TTC13: variants seen among roughly 807,000 people sequenced by gnomAD.
TTC13 encodes the protein tetratricopeptide repeat protein 13.
TTC13 carries 62 observed loss-of-function variants against 120.0 expected under a neutral mutation model. The ratio of observed to expected loss-of-function variants is 0.52; its 90% CI spans 0.42 to 0.64. The LOEUF (loss-of-function observed/expected upper bound fraction) is 0.64, where lower values mean the gene tolerates loss of function less well. Among genes scored for constraint, TTC13 ranks in the 30% least tolerant of loss-of-function variants. The pLI is 0.00. For missense variants in TTC13, 824 were observed against 1,050.2 expected, an observed-to-expected ratio of 0.78 and a Z score of 2.98; for synonymous variants, 384 against 393.5, an observed-to-expected ratio of 0.98 and a Z score of 0.28.
At chr1:230,943,342 A>G (rs1019786173) in intron 6 of TTC13, among the ~76,000 whole-genome samples, 1 of 152,104 alleles carries the variant, frequency 6.6e-6, no homozygotes, top group South Asian at 2.1e-4. Flanking sequence ...CAAATGTCCA[A>G]CAACAATAGA....
chr1:230,963,366 C>A (rs1415511882), intron 1 of TTC13, among the ~76,000 whole-genome samples: 1 of 152,022 alleles, frequency 6.6e-6, no homozygotes, highest in Non-Finnish European at 1.5e-5. Context: ...AGGCTGGGTG[C>A]GGTGACTCAC....
intron 17 of TTC13, among the ~76,000 whole-genome samples, chr1:230,918,307 C>T (rs1353362405): frequency 1.3e-5 from 2 of 152,182 alleles, no homozygotes; most frequent in Non-Finnish European, 2.9e-5. Context: ...TCGCCAATGA[C>T]AATGTAGCTC....
chr1:230,962,654 G>A (rs900759000), intron 1 of TTC13, among the ~76,000 whole-genome samples: 3 of 152,126 alleles, frequency 2.0e-5, no homozygotes, highest in South Asian at 4.1e-4. Flanking sequence ...TCATAGTAGC[G>A]CTAATCACAG....
intron 18 of TTC13, among the ~76,000 whole-genome samples, chr1:230,913,602 T>A (rs1391684522): frequency 6.6e-6 from 1 of 152,214 alleles, no homozygotes; most frequent in Non-Finnish European, 1.5e-5. Flanking sequence ...CTTCCCATCT[T>A]GGCCTCCCAA....
In TTC13 at chr1:230,967,717, C is replaced by T. The variant is rs192953597; in HGVS notation, c.272-6414G>A. ...GGAACAGGAGGTTAAATTTGTTCTT[C>T]GATCTTAAAATATTTAACTCACTAT... On this transcript the variant is annotated intron_variant, in intron 1 of 22. Coordinates refer to ENST00000366661, the MANE Select transcript of TTC13 (RefSeq NM_024525.5). Among the ~76,000 whole-genome samples the T allele has an allele frequency of 1.3e-3, 198 of 152,098 alleles. 1 individual carries two copies. Among genetic ancestry groups the T allele is most frequent in the Non-Finnish European group, 1.9e-3 (132 of 67,962 alleles).
chr1:230,916,294 A>T lies in TTC13; in HGVS notation c.1992T>A (p.Asn664Lys), dbSNP rs1415908748. 6.2e-7 allele frequency: 1 copy of T among 1,612,994 alleles called. No homozygotes were observed. Among genetic ancestry groups the T allele is most frequent in the Non-Finnish European group, 8.5e-7 (1 of 1,179,088 alleles). ...EDLLPIMKQF[N>K]TKTKDGFTVN... ...CGGTGAACCCATCCTTCGTTTTAGTATTAAACTGCTTTCAGGGAAAAAGAA... is the reference window on the plus strand; with the variant it reads ...CGGTGAACCCATCCTTCGTTTTAGTTTTAAACTGCTTTCAGGGAAAAAGAA... Residue 664 changes from asparagine (N) to lysine (K), a missense_variant, in exon 18 of 23, where the codon AAT becomes AAA. Coordinates refer to ENST00000366661, the MANE Select transcript of TTC13 (RefSeq NM_024525.5).
intron 17 of TTC13, among the ~76,000 whole-genome samples, chr1:230,917,712 G>A (rs1232178789): frequency 3.3e-5 from 5 of 151,722 alleles, no homozygotes; most frequent in East Asian, 3.9e-4. Flanking sequence ...TGGCGATGCC[G>A]CGTCTCAGGC....
intron 11 of TTC13, among the ~76,000 whole-genome samples, chr1:230,930,326 C>A (rs1422412959): frequency 1.3e-5 from 2 of 152,056 alleles, no homozygotes; most frequent in East Asian, 3.9e-4. Flanking sequence ...AAAATTAATT[C>A]CACTTCTTTG....
chr1:230,920,436 GTTCT>G (rs1672473826), intron 17 of TTC13, 70 bp downstream of exon 17: 1 of 1,038,750 alleles, frequency 9.6e-7, no homozygotes, highest in Non-Finnish European at 1.5e-6. Context: ...ATAATTCTGA[GTTCT>G]TTTTAAAAAA....
chr1:230,911,457 G>T lies in TTC13; in HGVS notation c.2309+13C>A. The T allele has an allele frequency of 6.5e-7, 1 of 1,538,490 alleles. No individual in the cohort carries two copies. The highest frequency in any genetic ancestry group is 1.2e-5 in the South Asian group (1 of 83,564). On this transcript the variant is annotated intron_variant, in intron 20 of 22. Coordinates refer to ENST00000366661, the MANE Select transcript of TTC13 (RefSeq NM_024525.5). The stretch of plus-strand genomic sequence containing the variant: ...TCAATTTAAAATAATTTTAATGACA[G>T]GATATTACTTACCTGGATCCTCGAG...
Position 230,978,773 on chromosome 1 carries a change from C to G in TTC13, c.58G>C (p.Ala20Pro). Reference sequence around the variant, plus strand: ...AGCAGGACACGCCGGGCGGCGCCCGCGGCGGCCACAGCGCCGCCCCAGAAG... The same window carrying G: ...AGCAGGACACGCCGGGCGGCGCCCGGGGCGGCCACAGCGCCGCCCCAGAAG... ...CCFWGGAVAA[A>P]GAARRVLLLL... Residue 20 changes from alanine (A) to proline (P), a missense_variant, in exon 1 of 23, where the codon GCG becomes CCG. Around this residue, in one of 4 missense-constraint regions of TTC13, gnomAD observed 160 missense variants for 137.2 expected, o/e 1.17. Transcript: ENST00000366661. The surrounding 1 kb of genome is among the most constrained non-coding windows in gnomAD (Gnocchi z 5.6). 1.3e-6 allele frequency: 2 copies of G among 1,499,012 alleles called. No individual in the cohort carries two copies. The highest frequency in any genetic ancestry group is 1.8e-6 in the Non-Finnish European group (2 of 1,133,622). The allele number at this position is 1,499,012 out of a possible 1,614,324, so 92.9% of individuals were successfully genotyped here.
intron 1 of TTC13, among the ~76,000 whole-genome samples, chr1:230,972,449 T>C (rs1263620312): frequency 6.6e-6 from 1 of 152,250 alleles, no homozygotes; most frequent in Non-Finnish European, 1.5e-5. Flanking sequence ...AGTATTAAAA[T>C]TCTGCCGCTT....
chr1:230,970,740 A>G (rs548643462), intron 1 of TTC13, among the ~76,000 whole-genome samples: 1 of 152,338 alleles, frequency 6.6e-6, no homozygotes, highest in Admixed American at 6.5e-5. Context: ...AAAGCTTATA[A>G]GTGGCAAACC....
At chr1:230,972,988 C>T (rs1677916992) in intron 1 of TTC13, among the ~76,000 whole-genome samples, 1 of 152,148 alleles carries the variant, frequency 6.6e-6, no homozygotes, top group Non-Finnish European at 1.5e-5. Flanking sequence ...TCTCTGAGCA[C>T]AGCGACTTTG....
chr1:230,948,917 A>G (rs1417918823), intron 4 of TTC13, among the ~76,000 whole-genome samples: 1 of 152,146 alleles, frequency 6.6e-6, no homozygotes, highest in African/African-American at 2.4e-5. Flanking sequence ...TCGGTCCCCA[A>G]GAAATTCCTT....
chr1:230,919,604 T>C (rs568694389), intron 17 of TTC13, among the ~76,000 whole-genome samples: 2 of 152,370 alleles, frequency 1.3e-5, no homozygotes, highest in Admixed American at 1.3e-4. Context: ...TAATGAGTTT[T>C]GACAGGTAGT....
chr1:230,931,242 T>A, intron 11 of TTC13, 56 bp downstream of exon 11: 2 of 1,568,176 alleles, frequency 1.3e-6, no homozygotes, highest in Admixed American at 1.7e-5. Context: ...TCAAGCAATA[T>A]GATTTCTACA....
intron 8 of TTC13, 146 bp from the exon 9 acceptor site, chr1:230,934,007 C>T (rs1374510946): frequency 1.0e-5 from 5 of 490,168 alleles, no homozygotes; most frequent in Admixed American, 3.9e-5. Context: ...GCAGAAAATG[C>T]AATAAACTAT....
chr1:230,971,645 T>C (rs1553300400), intron 1 of TTC13, among the ~76,000 whole-genome samples: 1 of 152,224 alleles, frequency 6.6e-6, no homozygotes, highest in Non-Finnish European at 1.5e-5. Context: ...GACAGAAGTT[T>C]TTTGTTTTTT....
Sources: gnomAD v4.1 joint callset for allele counts (sites outside exome capture counted in the v4.1 genomes callset) on GRCh38, gnomAD v4.1.1 for gene constraint, gnomAD v4.1.1 regional missense constraint, Gnocchi (gnomAD v3.1) non-coding constraint, MANE v1.5 for transcripts, NCBI Gene and HGNC (gene_info 2026-07-23, HGNC 2026-07-21) for gene names.